The following AMBRA1 variants were observed in gnomAD, a reference collection of about 807,000 sequenced individuals.
The protein encoded by AMBRA1 is autophagy and beclin 1 regulator 1.
AMBRA1 carries 47 observed loss-of-function variants against 125.4 expected under a neutral mutation model. The observed-to-expected ratio is 0.37, with a 90% CI of 0.30 to 0.48. The LOEUF (loss-of-function observed/expected upper bound fraction) is 0.48, where lower values mean the gene tolerates loss of function less well. Ranked by LOEUF, AMBRA1 falls within the 20% of genes least tolerant of loss-of-function variation. The pLI is 0.99. For missense variants in AMBRA1, 1,331 were observed against 1,693.4 expected (o/e 0.79, Z 3.76); for synonymous variants, 626 against 655.5 (o/e 0.95, Z 0.69).
intron 5 of AMBRA1, among the ~76,000 whole-genome samples, chr11:46,545,179 GGT>G: frequency 1.5e-5 from 2 of 130,116 alleles, no homozygotes; most frequent in African/African-American, 5.8e-5. Flanking sequence ...GGGGGGTGGT[GGT>G]GGGCATGGTG....
At chr11:46,399,959 A>T (rs1002549439) in intron 17 of AMBRA1, among the ~76,000 whole-genome samples, 1 of 152,182 alleles carries the variant, frequency 6.6e-6, no homozygotes, top group African/African-American at 2.4e-5. Context: ...GACCTTGAAA[A>T]AAATCCCTAA....
intron 11 of AMBRA1, among the ~76,000 whole-genome samples, chr11:46,481,634 A>AT (rs1950074633): frequency 6.6e-6 from 1 of 152,166 alleles, no homozygotes; most frequent in South Asian, 2.1e-4. Flanking sequence ...AAGTGCTGGG[A>AT]TTACAGGCAT....
intron 11 of AMBRA1, among the ~76,000 whole-genome samples, chr11:46,449,521 C>A (rs1418280304): frequency 6.6e-6 from 1 of 152,136 alleles, no homozygotes; most frequent in Non-Finnish European, 1.5e-5. Flanking sequence ...AAAGACATCA[C>A]AAAGGATAAA....
At chr11:46,454,326 G>T (rs1948749532) in intron 11 of AMBRA1, among the ~76,000 whole-genome samples, 1 of 151,634 alleles carries the variant, frequency 6.6e-6, no homozygotes. Context: ...ATCATGCCTG[G>T]CAAACTGTGA....
intron 11 of AMBRA1, among the ~76,000 whole-genome samples, chr11:46,478,610 A>G (rs1413022873): frequency 7.0e-6 from 1 of 143,836 alleles, no homozygotes; most frequent in Non-Finnish European, 1.5e-5. Flanking sequence ...CCAAATAATT[A>G]CCTAAGGCAA....
chr11:46,493,862 T>G (rs1017886336), intron 10 of AMBRA1, 154 bp from the exon 11 acceptor site: 7 of 668,024 alleles, frequency 1.0e-5, no homozygotes, highest in Non-Finnish European at 1.5e-5. Flanking sequence ...TTCCGCAGAT[T>G]TGTATCTATC....
At chr11:46,481,671 T>C (rs184392463) in intron 11 of AMBRA1, among the ~76,000 whole-genome samples, 110 of 152,308 alleles carry the variant, frequency 7.2e-4, no homozygotes, top group African/African-American at 2.4e-3. Flanking sequence ...CCTATTTTTG[T>C]TCTCTGAAGG....
chr11:46,556,612 G>C (rs891538876), intron 1 of AMBRA1, among the ~76,000 whole-genome samples: 5 of 152,162 alleles, frequency 3.3e-5, no homozygotes, highest in Non-Finnish European at 5.9e-5. Context: ...GGGCCCCGCA[G>C]TCAGAATGGT....
chr11:46,568,618 T>A (rs1294751993), intron 1 of AMBRA1, among the ~76,000 whole-genome samples: 1 of 144,946 alleles, frequency 6.9e-6, no homozygotes, highest in Non-Finnish European at 1.5e-5. Context: ...TAAAAAGATA[T>A]AAAATAAGCC....
At chr11:46,533,334 T>C (rs1952305210) in intron 7 of AMBRA1, among the ~76,000 whole-genome samples, 1 of 152,238 alleles carries the variant, frequency 6.6e-6, no homozygotes, top group Non-Finnish European at 1.5e-5. Flanking sequence ...TAATGTTTGA[T>C]TTTTTACAAA....
chr11:46,400,460 A>G (rs1481610542), intron 17 of AMBRA1, among the ~76,000 whole-genome samples: 1 of 64,332 alleles, frequency 1.6e-5, no homozygotes, highest in Admixed American at 1.9e-4. Context: ...TCATGCTTCT[A>G]GTTCTTTCTA....
chr11:46,529,304 TC>T, intron 7 of AMBRA1, among the ~76,000 whole-genome samples: 1 of 152,312 alleles, frequency 6.6e-6, no homozygotes, highest in East Asian at 1.9e-4. Context: ...ACCTCCATTT[TC>T]CCCCTTTGGA....
intron 1 of AMBRA1, among the ~76,000 whole-genome samples, chr11:46,560,043 G>A (rs1003218686): frequency 2.6e-5 from 4 of 152,130 alleles, no homozygotes; most frequent in South Asian, 2.1e-4. Flanking sequence ...GATTGCAAAG[G>A]AAACTACAGT....
chr11:46,425,584 GTAATCCCAGCACT>G (rs1226473687), intron 14 of AMBRA1, among the ~76,000 whole-genome samples: 1 of 152,126 alleles, frequency 6.6e-6, no homozygotes, highest in Non-Finnish European at 1.5e-5. Flanking sequence ...GCTCACGCCT[GTAATCCCAGCACT>G]TTGGGAGGCT....
intron 1 of AMBRA1, among the ~76,000 whole-genome samples, chr11:46,559,527 G>A (rs141178615): frequency 2.9e-4 from 44 of 152,194 alleles, no homozygotes; most frequent in African/African-American, 8.9e-4. Flanking sequence ...TTGAAACACA[G>A]AATATTAAGA....
chr11:46,411,523 C>T (rs1345939181), intron 15 of AMBRA1, among the ~76,000 whole-genome samples: 1 of 152,218 alleles, frequency 6.6e-6, no homozygotes, highest in African/African-American at 2.4e-5. Flanking sequence ...GGCTGGAGTG[C>T]AGTGGCATGA....
chr11:46,446,646 A>G (rs1948298512), intron 11 of AMBRA1, among the ~76,000 whole-genome samples: 1 of 152,224 alleles, frequency 6.6e-6, no homozygotes, highest in Non-Finnish European at 1.5e-5. Context: ...GCCTCTACCC[A>G]CTAGATGCCA....
intron 9 of AMBRA1, among the ~76,000 whole-genome samples, chr11:46,495,772 G>A (rs1950606881): frequency 6.6e-6 from 1 of 152,208 alleles, no homozygotes; most frequent in Admixed American, 6.5e-5. Flanking sequence ...TACTACTGTT[G>A]TGATAAATTA....
intron 14 of AMBRA1, among the ~76,000 whole-genome samples, chr11:46,419,857 G>A (rs1212559588): frequency 6.6e-6 from 1 of 151,990 alleles, no homozygotes; most frequent in Non-Finnish European, 1.5e-5. Flanking sequence ...TGAACTAAGG[G>A]TCCACTCCAT....
Sources: allele counts gnomAD v4.1 joint callset (sites outside exome capture counted in the v4.1 genomes callset), GRCh38; gene constraint gnomAD v4.1.1; transcripts MANE v1.5; gene names NCBI Gene and HGNC (gene_info 2026-07-23, HGNC 2026-07-21).